Variants in COMMD1 observed in about 807,000 individuals in gnomAD.
COMMD1 encodes COMM domain-containing protein 1.
Under a neutral mutation model 17.2 loss-of-function variants are expected in COMMD1, and 10 were observed. That is an observed-to-expected ratio of 0.58 (90% CI 0.36 to 0.99). COMMD1 has a LOEUF of 0.99. Among genes scored for constraint, COMMD1 ranks in the 50% least tolerant of loss-of-function variants. The pLI, the probability that COMMD1 is intolerant of heterozygous loss-of-function variation, is 0.01. For synonymous variants in COMMD1, 97 were observed against 91.6 expected (o/e 1.06, Z -0.34); for missense variants, 270 against 231.8 (o/e 1.17, Z -1.07).
At chr2:61,988,548 T>C (rs548379927) in intron 1 of COMMD1, among the ~76,000 whole-genome samples, 1 of 152,222 alleles carries the variant, frequency 6.6e-6, no homozygotes, top group Admixed American at 6.5e-5. Context: ...CATAACAAAG[T>C]CTTCTCTACT....
chr2:61,933,843 A>C (rs1409447070), intron 1 of COMMD1, among the ~76,000 whole-genome samples: 3 of 150,212 alleles, frequency 2.0e-5, no homozygotes, highest in African/African-American at 7.5e-5. Flanking sequence ...GGCTCACTGC[A>C]ACTTCCACCT....
At chr2:61,908,375 C>T (rs1466670960) in intron 1 of COMMD1, among the ~76,000 whole-genome samples, 1 of 150,768 alleles carries the variant, frequency 6.6e-6, no homozygotes, top group African/African-American at 2.4e-5. Flanking sequence ...TGCAGGCATG[C>T]ACTGCAGCGC....
At chr2:62,067,776 G>A (rs1053800452) in intron 2 of COMMD1, among the ~76,000 whole-genome samples, 1 of 152,124 alleles carries the variant, frequency 6.6e-6, no homozygotes, top group African/African-American at 2.4e-5. Flanking sequence ...ATATAGGGCA[G>A]GACACCTGTC....
At chr2:62,034,024 C>T (rs1669977206) in intron 2 of COMMD1, among the ~76,000 whole-genome samples, 1 of 142,178 alleles carries the variant, frequency 7.0e-6, no homozygotes, top group Non-Finnish European at 1.5e-5. Context: ...GTGGTAGGAT[C>T]GCTGGAGCCT....
intron 1 of COMMD1, among the ~76,000 whole-genome samples, chr2:61,894,975 A>G (rs956461548): frequency 2.8e-4 from 42 of 152,210 alleles, no homozygotes; most frequent in African/African-American, 5.3e-4. Flanking sequence ...TACAGGTGTC[A>G]GCCACTACAC....
At chr2:61,983,331 A>G (rs1023073947) in intron 1 of COMMD1, among the ~76,000 whole-genome samples, 3 of 151,950 alleles carry the variant, frequency 2.0e-5, no homozygotes, top group Non-Finnish European at 4.4e-5. Context: ...TTAGGACTAC[A>G]GGCACGTGCC....
intron 1 of COMMD1, among the ~76,000 whole-genome samples, chr2:61,959,484 T>G (rs1671283680): frequency 6.6e-6 from 1 of 152,196 alleles, no homozygotes; most frequent in Admixed American, 6.5e-5. Flanking sequence ...GGGCAGGCAT[T>G]TTATAAATGT....
intron 2 of COMMD1, among the ~76,000 whole-genome samples, chr2:62,046,059 C>A (rs995338050): frequency 6.6e-6 from 1 of 152,142 alleles, no homozygotes; most frequent in African/African-American, 2.4e-5. Context: ...ATAAATTCCT[C>A]CCAATGTCAG....
At chr2:61,989,969 C>T (rs540075697) in intron 1 of COMMD1, among the ~76,000 whole-genome samples, 3 of 152,246 alleles carry the variant, frequency 2.0e-5, no homozygotes, top group Non-Finnish European at 4.4e-5. Flanking sequence ...GAAAGACCCC[C>T]GTCCCAGATT....
rs147009371 is a variant in COMMD1 at position 62,007,043 on chromosome 2, C to T, written c.462+6061C>T. ...AGTCTCAGTACTGAACCATTTAGTA[C>T]TGAATTGTTCTTGCACATAGATTTT... On this transcript the variant is annotated intron_variant, in intron 2 of 2. Transcript: ENST00000311832. Among the ~76,000 whole-genome samples the T allele has an allele frequency of 5.0e-3, 755 of 152,306 alleles. 7 individuals carry two copies. The highest frequency in any genetic ancestry group is 0.017 in the African/African-American group (718 of 41,574).
At chr2:61,890,554 C>G (rs760274691) in intron 1 of COMMD1, among the ~76,000 whole-genome samples, 3 of 151,950 alleles carry the variant, frequency 2.0e-5, no homozygotes, top group Non-Finnish European at 4.4e-5. Flanking sequence ...CATATTAGCA[C>G]TAGGGGCCTG....
upstream of COMMD1, among the ~76,000 whole-genome samples, chr2:61,902,092 A>C (rs1669668800): frequency 6.6e-6 from 1 of 151,858 alleles, no homozygotes; most frequent in East Asian, 2.0e-4. Context: ...TGGCCTCCCA[A>C]AGTTCTGGGA....
At chr2:62,121,112 G>A (rs529879973) in intron 2 of COMMD1, among the ~76,000 whole-genome samples, 2 of 151,530 alleles carry the variant, frequency 1.3e-5, no homozygotes, top group African/African-American at 4.8e-5. Context: ...GCTCACGCCT[G>A]TAATTCCAGC....
At chr2:62,036,054 TCACA>T (rs70946776) in intron 2 of COMMD1, among the ~76,000 whole-genome samples, 17,640 of 143,242 alleles carry the variant, frequency 0.12, 1,813 homozygotes, top group African/African-American at 0.29. Flanking sequence ...ACCCTGTCTC[TCACA>T]CACACACACA....
At chr2:62,131,578 T>C (rs1673034474) in intron 2 of COMMD1, among the ~76,000 whole-genome samples, 2 of 152,134 alleles carry the variant, frequency 1.3e-5, no homozygotes, top group African/African-American at 4.8e-5. Flanking sequence ...GGTCTTACTC[T>C]ATTGCCAAGG....
chr2:61,920,143 A>T lies in COMMD1; in HGVS notation c.180+14285A>T, dbSNP rs1477890892. On this transcript the variant is annotated intron_variant, in intron 1 of 2. Coordinates refer to ENST00000311832, the MANE Select transcript of COMMD1 (RefSeq NM_152516.4). ...TCTGTCTTTTCTCTTTTTCTTTATTATTATGTCATTTAAATTTCCACAGGC... is the reference window on the plus strand; with the variant it reads ...TCTGTCTTTTCTCTTTTTCTTTATTTTTATGTCATTTAAATTTCCACAGGC... Among the ~76,000 whole-genome samples, 4 of 152,092 alleles carry T rather than the reference A, an allele frequency of 2.6e-5. No individual in the cohort carries two copies. In the East Asian group the frequency reaches 5.8e-4, roughly 22 times the overall value.
chr2:62,069,446 G>A (rs1283991587), intron 2 of COMMD1: 1 of 152,194 alleles, frequency 6.6e-6, no homozygotes, highest in Non-Finnish European at 1.5e-5. Context: ...AGAAGGAGAA[G>A]TTTTCATTGA....
intron 1 of COMMD1, among the ~76,000 whole-genome samples, chr2:61,965,761 A>C (rs1671489187): frequency 6.6e-6 from 1 of 151,970 alleles, no homozygotes; most frequent in South Asian, 2.1e-4. Flanking sequence ...AAGTCCAGCT[A>C]CCCTTCTCAC....
chr2:61,965,491 C>G (rs1671482056), intron 1 of COMMD1, among the ~76,000 whole-genome samples: 1 of 152,178 alleles, frequency 6.6e-6, no homozygotes. Flanking sequence ...TCCCACTAGA[C>G]TGTAAGCACA....
Sources: allele counts gnomAD v4.1 joint callset (sites outside exome capture counted in the v4.1 genomes callset), GRCh38; gene constraint gnomAD v4.1.1; transcripts MANE v1.5; gene names NCBI Gene and HGNC (gene_info 2026-07-23, HGNC 2026-07-21).